Variants in CD48 observed in about 807,000 individuals in gnomAD.
The protein encoded by CD48 is CD48 antigen.
Under a neutral mutation model 22.0 loss-of-function variants are expected in CD48, and 20 were observed. The observed-to-expected ratio is 0.91, with a 90% confidence interval of 0.64 to 1.32. CD48 has a LOEUF of 1.32. Ranked by LOEUF, CD48 falls within the 40% of genes most tolerant of loss-of-function variation. CD48 has a pLI of 0.00. For missense variants in CD48, 307 were observed against 286.5 expected (o/e 1.07, Z -0.52); for synonymous variants, 110 against 110.1 (o/e 1.00, Z 0.01).
intron 1 of CD48, among the ~76,000 whole-genome samples, chr1:160,703,873 C>T (rs560256421): frequency 6.6e-6 from 1 of 152,194 alleles, no homozygotes; most frequent in East Asian, 1.9e-4. Flanking sequence ...GATTTGCCTG[C>T]CATACATAAA....
chr1:160,705,444 A>G (rs1662758462), intron 1 of CD48, among the ~76,000 whole-genome samples: 1 of 152,166 alleles, frequency 6.6e-6, no homozygotes, highest in African/African-American at 2.4e-5. Context: ...AAAAACAGAA[A>G]TGTGATGAAG....
rs1661919955 is a variant in CD48 at position 160,684,560 on chromosome 1, A to C, written c.385+327T>G. ...TAAGTCCAATGAAGCCTAATTTCGG[A>C]GATATAATCAAGATGAGCTGAGCTG... On this transcript the variant is annotated intron_variant, in intron 2 of 3. Coordinates refer to ENST00000368046, the MANE Select transcript of CD48 (RefSeq NM_001778.4). 4.9e-6 allele frequency: 3 copies of C among 606,600 alleles called. No homozygotes were observed. In the South Asian group the frequency reaches 7.6e-5, roughly 15 times the overall value. 37.6% of individuals were successfully genotyped at this position (606,600 alleles called of 1,614,324 possible).
At chr1:160,686,342 A>G (rs994644437) in intron 1 of CD48, among the ~76,000 whole-genome samples, 3 of 152,274 alleles carry the variant, frequency 2.0e-5, no homozygotes, top group Admixed American at 2.0e-4. Context: ...TTAGGGCATC[A>G]TTTCCTGACT....
chr1:160,688,680 A>G (rs1303603539), intron 1 of CD48, among the ~76,000 whole-genome samples: 2 of 152,186 alleles, frequency 1.3e-5, no homozygotes, highest in Non-Finnish European at 2.9e-5. Flanking sequence ...GGCAATAGCC[A>G]ATTTCCAAAG....
intron 1 of CD48, among the ~76,000 whole-genome samples, chr1:160,701,923 G>A (rs916824867): frequency 3.9e-5 from 6 of 152,118 alleles, no homozygotes; most frequent in East Asian, 1.9e-4. Flanking sequence ...CAGGTGGGCC[G>A]TTGTTTAGAA....
In CD48 at chr1:160,701,497, G is replaced by A. The variant is rs546556578; in HGVS notation, c.82+10185C>T. Among the ~76,000 whole-genome samples, 626 of 151,972 alleles carry A rather than the reference G, an allele frequency of 4.1e-3. 5 individuals carry two copies. Among genetic ancestry groups the A allele is most frequent in the African/African-American group, 0.015 (604 of 41,466 alleles). On this transcript the variant is annotated intron_variant, in intron 1 of 3. Coordinates refer to ENST00000368046, the MANE Select transcript of CD48 (RefSeq NM_001778.4). The stretch of plus-strand genomic sequence containing the variant: ...GAATGGGATCAGGAGGTATGGCAGT[G>A]GCTGCCACTAAAAAGAATAACCTAA...
chr1:160,684,881 A>G lies in CD48; in HGVS notation c.385+6T>C, dbSNP rs1476961322. On this transcript the variant is annotated splice_donor_region_variant and intron_variant, in intron 2 of 3. Coordinates refer to ENST00000368046, the MANE Select transcript of CD48 (RefSeq NM_001778.4). ...GGGGATTTGCTCTTTGGCTCCCCTG[A>G]CTCACCAAGCACTTGCAGCTTGATC... 6.2e-7 allele frequency: 1 copy of G among 1,613,880 alleles called. No homozygotes were observed. The highest frequency in any genetic ancestry group is 8.5e-7 in the Non-Finnish European group (1 of 1,179,950).
At chr1:160,710,383 C>T (rs1662911783) in intron 1 of CD48, among the ~76,000 whole-genome samples, 1 of 152,168 alleles carries the variant, frequency 6.6e-6, no homozygotes, top group South Asian at 2.1e-4. Context: ...ATTTTACTAA[C>T]CCAGGTTATA....
At chr1:160,687,311 G>T (rs985328218) in intron 1 of CD48, among the ~76,000 whole-genome samples, 1 of 152,022 alleles carries the variant, frequency 6.6e-6, no homozygotes, top group Admixed American at 6.6e-5. Flanking sequence ...TTAAACACAC[G>T]TGTTCTATAA....
At chr1:160,695,447 T>C (rs1195060730) in intron 1 of CD48, among the ~76,000 whole-genome samples, 1 of 151,728 alleles carries the variant, frequency 6.6e-6, no homozygotes, top group Non-Finnish European at 1.5e-5. Flanking sequence ...TATTTAGGGA[T>C]GCAGATAGAA....
intron 1 of CD48, among the ~76,000 whole-genome samples, chr1:160,694,885 C>T (rs1466761747): frequency 7.8e-5 from 10 of 128,078 alleles, no homozygotes; most frequent in Admixed American, 4.8e-4. Context: ...AGCAAATGAA[C>T]AGTTAGAAAA....
Position 160,685,075 on chromosome 1 carries a change from A to G in CD48, c.197T>C (p.Ile66Thr). ...LTWFYTFDQK[I>T]VEWDSRKSKY... The stretch of plus-strand genomic sequence containing the variant: ...AGATTTTCTGGAATCCCATTCTACA[A>G]TCTTCTGGTCGAAAGTATAAAACCA... The change falls in exon 2 of 4, where the codon ATT (isoleucine) becomes ACT (threonine). Residue 66 changes from isoleucine (I) to threonine (T), a missense_variant. By Grantham distance (89) the Ile-to-Thr change is moderately conservative. Transcript: ENST00000368046. 6.2e-7 allele frequency: 1 copy of G among 1,614,136 alleles called. No homozygotes were observed. Among genetic ancestry groups the G allele is most frequent in the Non-Finnish European group, 8.5e-7 (1 of 1,180,004 alleles).
intron 1 of CD48, among the ~76,000 whole-genome samples, chr1:160,698,205 C>T (rs1442410936): frequency 6.6e-6 from 1 of 152,124 alleles, no homozygotes; most frequent in Admixed American, 6.5e-5. Context: ...CAAACTATAA[C>T]CTGTGAAAAT....
intron 1 of CD48, among the ~76,000 whole-genome samples, chr1:160,692,651 C>A (rs147483773): frequency 0.041 from 6,189 of 152,102 alleles, 173 homozygotes; most frequent in East Asian, 0.13. Context: ...TCCTATGGCA[C>A]CACCTAGTAG....
At position 160,681,326 on chromosome 1, in the gene CD48, G is replaced by C. The variant is rs1299101891; in HGVS notation, c.528C>G (p.Leu176=). The C allele has an allele frequency of 2.5e-6, 4 of 1,614,058 alleles. No homozygotes were observed. Among genetic ancestry groups the C allele is most frequent in the African/African-American group, 1.3e-5 (1 of 74,922 alleles). Residue 176 remains leucine, a synonymous_variant, in exon 3 of 4, where the codon CTC becomes CTG. Transcript: ENST00000368046. ...YGDKRPFPKE[L]QNSVLETTLM... ...GGGTGGTTTCAAGCACACTGTTCTG[G>C]AGCTCCTTTGGGAAGGGCCTTTTGT...
At chr1:160,680,989 G>C in intron 3 of CD48, 2 of 1,380,082 alleles carry the variant, frequency 1.4e-6, no homozygotes, top group Middle Eastern at 5.3e-4. Context: ...TCCTTTGCAG[G>C]TGAGAACACT....
intron 2 of CD48, 110 bp from the exon 3 acceptor site, chr1:160,681,578 G>A: frequency 7.4e-7 from 1 of 1,358,386 alleles, no homozygotes. Flanking sequence ...TGCCCCAGGA[G>A]GCAGAGTCAT....
intron 2 of CD48, 101 bp downstream of exon 2, chr1:160,684,786 C>T (rs954644679): frequency 1.2e-6 from 2 of 1,612,950 alleles, no homozygotes; most frequent in South Asian, 2.2e-5. Context: ...AGGTTTTTCT[C>T]TCCTCCTCCC....
chr1:160,685,937 A>G (rs1043996061), intron 1 of CD48, among the ~76,000 whole-genome samples: 6 of 152,222 alleles, frequency 3.9e-5, no homozygotes, highest in African/African-American at 1.4e-4. Flanking sequence ...GTATGATTGA[A>G]TGCCAATAGA....
Sources: gnomAD v4.1 joint callset for allele counts (sites outside exome capture counted in the v4.1 genomes callset) on GRCh38, gnomAD v4.1.1 for gene constraint, MANE v1.5 for transcripts, NCBI Gene and HGNC (gene_info 2026-07-23, HGNC 2026-07-21) for gene names.